Variants in CCDC60 observed in about 807,000 individuals in gnomAD.
CCDC60 encodes the protein coiled-coil domain containing 60.
A neutral mutation model predicts 63.5 loss-of-function variants in CCDC60; 54 were observed. The observed-to-expected ratio is 0.85, with a 90% CI of 0.68 to 1.07. The LOEUF (loss-of-function observed/expected upper bound fraction) is 1.07, where lower values mean the gene tolerates loss of function less well. Among genes scored for constraint, CCDC60 ranks in the 50% least tolerant of loss-of-function variants. The pLI, the probability that CCDC60 is intolerant of heterozygous loss-of-function variation, is 0.00. For missense variants in CCDC60, 651 were observed against 684.3 expected, an observed-to-expected ratio of 0.95 and a Z score of 0.54; for synonymous variants, 206 against 238.8, an observed-to-expected ratio of 0.86 and a Z score of 1.27.
intron 1 of CCDC60, among the ~76,000 whole-genome samples, chr12:119,401,744 T>C (rs1956396015): frequency 6.6e-6 from 1 of 152,252 alleles, no homozygotes; most frequent in African/African-American, 2.4e-5. Context: ...ACCATCACAT[T>C]TCTCTGTTTA....
intron 1 of CCDC60, among the ~76,000 whole-genome samples, chr12:119,344,864 CA>C: frequency 8.6e-6 from 1 of 116,398 alleles, no homozygotes; most frequent in South Asian, 3.8e-4. Flanking sequence ...CTCACACACA[CA>C]CACACACACA....
chr12:119,360,908 C>T (rs61938063), intron 1 of CCDC60, among the ~76,000 whole-genome samples: 11,943 of 152,206 alleles, frequency 0.078, 616 homozygotes, highest in Non-Finnish European at 0.11. Context: ...CCGAGGCTGG[C>T]GGATCACTCG....
chr12:119,415,814 G>A (rs1227326867), intron 1 of CCDC60, among the ~76,000 whole-genome samples: 4 of 152,216 alleles, frequency 2.6e-5, no homozygotes, highest in Non-Finnish European at 5.9e-5. Context: ...AAACTTCGCT[G>A]TTATAACAGG....
rs115862562 is a variant in CCDC60 at position 119,520,090 on chromosome 12, G to A, written c.969-31G>A. On this transcript the variant is annotated intron_variant, in intron 8 of 13. Transcript: ENST00000327554. ...TGCACAAAATCTTCATGAATTCAGC[G>A]CCTTGTTAAAGGACTCATTTTGCCT... is the stretch of plus-strand genomic sequence containing the variant. 1,401 of 1,596,638 alleles carry A rather than the reference G, an allele frequency of 8.8e-4. 13 individuals carry two copies. In the African/African-American group the frequency reaches 0.016, roughly 18 times the overall value.
rs1172106620 is a variant in CCDC60, at chr12:119,470,970, A to T, written c.171-1024A>T. 6.6e-5 allele frequency among the ~76,000 whole-genome samples: 10 copies of T among 152,372 alleles called. No individual in the cohort carries two copies. The East Asian group carries it at 7.7e-4, about 12-fold the overall frequency. On this transcript the variant is annotated intron_variant, in intron 2 of 13. Coordinates refer to ENST00000327554, the MANE Select transcript of CCDC60 (RefSeq NM_178499.5). ...GGAATTTGGAGAACAAATAAAATTGATGGTTGCTTATTAGGAATTTGGAGA... is the reference window on the plus strand; with the variant it reads ...GGAATTTGGAGAACAAATAAAATTGTTGGTTGCTTATTAGGAATTTGGAGA...
intron 1 of CCDC60, among the ~76,000 whole-genome samples, chr12:119,426,355 T>C (rs2102955): frequency 3.4e-5 from 5 of 147,418 alleles, no homozygotes; most frequent in Non-Finnish European, 7.5e-5. Flanking sequence ...TTATTTATTT[T>C]TGTTTTGTTT....
At chr12:119,487,590 C>T (rs1019144474) in intron 4 of CCDC60, among the ~76,000 whole-genome samples, 1 of 152,004 alleles carries the variant, frequency 6.6e-6, no homozygotes, top group Non-Finnish European at 1.5e-5. Flanking sequence ...AGCCACCGTG[C>T]CTGGCCTCGT....
intron 1 of CCDC60, among the ~76,000 whole-genome samples, chr12:119,424,658 A>T (rs1215527739): frequency 6.6e-6 from 1 of 152,148 alleles, no homozygotes; most frequent in Non-Finnish European, 1.5e-5. Context: ...TTAACTTATT[A>T]ACTTTTAATT....
At chr12:119,378,441 CCTCA>C (rs1955976584) in intron 1 of CCDC60, among the ~76,000 whole-genome samples, 1 of 152,156 alleles carries the variant, frequency 6.6e-6, no homozygotes, top group Admixed American at 6.5e-5. Context: ...ACTCTCTTAC[CCTCA>C]CTATCTGCCT....
chr12:119,446,379 A>G (rs1339565587), intron 2 of CCDC60, among the ~76,000 whole-genome samples: 1 of 152,210 alleles, frequency 6.6e-6, no homozygotes, highest in Non-Finnish European at 1.5e-5. Flanking sequence ...GTTCAGGGCA[A>G]GACTGCCCTT....
At chr12:119,409,393 C>A (rs890928480) in intron 1 of CCDC60, among the ~76,000 whole-genome samples, 1 of 152,042 alleles carries the variant, frequency 6.6e-6, no homozygotes, top group Non-Finnish European at 1.5e-5. Context: ...CACCCCCCAA[C>A]CCCCAGCAAG....
In CCDC60 at chr12:119,529,342, C is replaced by T. The variant is rs557227937; in HGVS notation, c.1361+596C>T. Among the ~76,000 whole-genome samples, 74 of 152,150 alleles carry T rather than the reference C, an allele frequency of 4.9e-4. 1 individual carries two copies. Among genetic ancestry groups the T allele is most frequent in the Non-Finnish European group, 9.0e-4 (61 of 68,010 alleles). Reference sequence around the variant, plus strand: ...AACCCCCATTTCACAAACAAGGAAACAGAGACTCAGAGGGGTAAATTCACT... The same window carrying T: ...AACCCCCATTTCACAAACAAGGAAATAGAGACTCAGAGGGGTAAATTCACT... On this transcript the variant is annotated intron_variant, in intron 12 of 13. Transcript: ENST00000327554.
intron 1 of CCDC60, among the ~76,000 whole-genome samples, chr12:119,376,046 T>A (rs1593001370): frequency 6.6e-6 from 1 of 152,190 alleles, no homozygotes; most frequent in Non-Finnish European, 1.5e-5. Flanking sequence ...AATGTGGCTG[T>A]TGGAAGAGAG....
chr12:119,362,182 A>G (rs1489778384), intron 1 of CCDC60, among the ~76,000 whole-genome samples: 2 of 152,110 alleles, frequency 1.3e-5, no homozygotes, highest in Non-Finnish European at 2.9e-5. Flanking sequence ...TTTATTTAAG[A>G]CTTGGAGGTT....
chr12:119,345,982 A>ATTTT (rs768961316), intron 1 of CCDC60, among the ~76,000 whole-genome samples: 2 of 118,686 alleles, frequency 1.7e-5, no homozygotes, highest in Non-Finnish European at 3.5e-5. Context: ...TACCCAGCTG[A>ATTTT]TTTTTTTTTT....
chr12:119,430,074 C>G (rs968911081), intron 2 of CCDC60, among the ~76,000 whole-genome samples: 2 of 151,846 alleles, frequency 1.3e-5, no homozygotes, highest in African/African-American at 4.8e-5. Flanking sequence ...GATGAAAGAT[C>G]TGGGATGTAT....
intron 2 of CCDC60, among the ~76,000 whole-genome samples, chr12:119,453,249 G>A (rs1337258702): frequency 3.3e-5 from 5 of 152,220 alleles, no homozygotes; most frequent in African/African-American, 1.2e-4. Context: ...TTCACAGGCT[G>A]TGATATGGGA....
chr12:119,492,877 T>G (rs939747447), intron 5 of CCDC60, among the ~76,000 whole-genome samples: 1 of 152,148 alleles, frequency 6.6e-6, no homozygotes, highest in Non-Finnish European at 1.5e-5. Context: ...AATCCCTATT[T>G]TAAAGAGAAG....
chr12:119,485,540 G>A (rs1166762888), intron 4 of CCDC60, among the ~76,000 whole-genome samples: 1 of 152,174 alleles, frequency 6.6e-6, no homozygotes, highest in African/African-American at 2.4e-5. Context: ...CCCTCTCGAG[G>A]TTGGAGGATC....
Sources: allele counts gnomAD v4.1 joint callset (sites outside exome capture counted in the v4.1 genomes callset), GRCh38; gene constraint gnomAD v4.1.1; transcripts MANE v1.5; gene names NCBI Gene and HGNC (gene_info 2026-07-23, HGNC 2026-07-21).